Variants in PCDHGA11 observed in about 807,000 individuals in gnomAD.
The protein encoded by PCDHGA11 is protocadherin gamma subfamily A, 11, also known as protocadherin gamma-A11.
A neutral mutation model predicts 60.4 loss-of-function variants in PCDHGA11; 39 were observed. The ratio of observed to expected loss-of-function variants is 0.65; its 90% CI spans 0.50 to 0.84. The LOEUF (loss-of-function observed/expected upper bound fraction) is 0.84, where lower values mean the gene tolerates loss of function less well. PCDHGA11 is among the 40% of genes least tolerant of loss of function. PCDHGA11 has a pLI of 0.00. For synonymous variants in PCDHGA11, 533 were observed against 510.3 expected (o/e 1.04, Z -0.60); for missense variants, 1,165 against 1,197.7 (o/e 0.97, Z 0.40).
rs753473913 is a variant in PCDHGA11 at position 141,503,323 on chromosome 5, G to A, written c.2493-2070G>A. On this transcript the variant is annotated intron_variant, in intron 2 of 3. Transcript: ENST00000398587. The stretch of plus-strand genomic sequence containing the variant: ...CTCAAGAAAGAATTGTTGGAGGGGC[G>A]CGGTGGCTCACGCCTGTAATTCCAG... Among the ~76,000 whole-genome samples the A allele has an allele frequency of 2.0e-5, 3 of 152,214 alleles. No individual in the cohort carries two copies. In the Middle Eastern group the frequency reaches 0.01, roughly 518 times the overall value.
chr5:141,486,361 C>T lies in PCDHGA11; in HGVS notation c.2434-8446C>T. 1.2e-6 allele frequency: 2 copies of T among 1,614,086 alleles called. No individual in the cohort carries two copies. The highest frequency in any genetic ancestry group is 1.7e-6 in the Non-Finnish European group (2 of 1,179,994). On this transcript the variant is annotated intron_variant, in intron 1 of 3. Coordinates refer to ENST00000398587, the MANE Select transcript of PCDHGA11 (RefSeq NM_018914.3). This position sits in a 1 kb window ranked among gnomAD's most constrained non-coding sequence, Gnocchi z 5.0. ...GCATTCCTGACCACTTGCCATTTGCCCTCAAGTCTGCCTTCAGGAACCAGT... is the reference window on the plus strand; with the variant it reads ...GCATTCCTGACCACTTGCCATTTGCTCTCAAGTCTGCCTTCAGGAACCAGT...
chr5:141,433,361 A>ATCTATCTATCTC, intron 1 of PCDHGA11: 1 of 297,578 alleles, frequency 3.4e-6, no homozygotes, highest in Non-Finnish European at 6.3e-6. Context: ...CTGTCTGCCT[A>ATCTATCTATCTC]TCTATCTATC....
In PCDHGA11 at chr5:141,492,000, A is replaced by G; in HGVS notation, c.2434-2807A>G. On this transcript the variant is annotated intron_variant, in intron 1 of 3. Transcript: ENST00000398587. The surrounding 1 kb of genome is among the most constrained non-coding windows in gnomAD (Gnocchi z 6.9). Reference sequence around the variant, plus strand: ...TCGAGCTTCCGGTGAATTTCGGGCGATTTCCGCGGGTGTCGGGGGTCCCGG... The same window carrying G: ...TCGAGCTTCCGGTGAATTTCGGGCGGTTTCCGCGGGTGTCGGGGGTCCCGG... 1 of 659,856 alleles carries G rather than the reference A, an allele frequency of 1.5e-6. No homozygotes were observed. The highest frequency in any genetic ancestry group is 3.1e-5 in the South Asian group (1 of 32,438). 40.9% of individuals were successfully genotyped at this position (659,856 alleles called of 1,614,324 possible).
At position 141,431,569 on chromosome 5, in the gene PCDHGA11, CGAA is replaced by C. The variant is rs780392922; in HGVS notation, c.2433+7911_2433+7913del. The C allele has an allele frequency of 1.9e-6, 3 of 1,614,000 alleles. No homozygotes were observed. The highest frequency in any genetic ancestry group is 2.7e-5 in the African/African-American group (2 of 74,932). ...TTGTAGTCAACGCTACCGACCCTGA[CGAA>C]GGAGTCAATGCGGAAGTGAGGTATT... On this transcript the variant is annotated intron_variant, in intron 1 of 3. Transcript: ENST00000398587. This position sits in a 1 kb window ranked among gnomAD's most constrained non-coding sequence, Gnocchi z 4.8.
chr5:141,467,015 T>C (rs1423064392), intron 1 of PCDHGA11, among the ~76,000 whole-genome samples: 1 of 152,072 alleles, frequency 6.6e-6, no homozygotes. Flanking sequence ...GCAATTTTTT[T>C]CCCTTTGTTT....
chr5:141,466,014 C>T (rs962233749), intron 1 of PCDHGA11, among the ~76,000 whole-genome samples: 75 of 151,848 alleles, frequency 4.9e-4, no homozygotes, highest in African/African-American at 1.2e-3. Flanking sequence ...CCCAGCTACT[C>T]GGGAGGGTGA....
chr5:141,465,893 C>A (rs926928579), intron 1 of PCDHGA11, among the ~76,000 whole-genome samples: 1 of 151,962 alleles, frequency 6.6e-6, no homozygotes, highest in Non-Finnish European at 1.5e-5. Context: ...GAGGCCGAGG[C>A]GGGCAAATCA....
chr5:141,434,506 T>C (rs2154556236), intron 1 of PCDHGA11, among the ~76,000 whole-genome samples: 2 of 152,344 alleles, frequency 1.3e-5, no homozygotes, highest in East Asian at 3.9e-4. Context: ...GGCAGAAAAC[T>C]GCTTAAAGGT....
In PCDHGA11 at chr5:141,477,787, C is replaced by A; in HGVS notation, c.2434-17020C>A. The stretch of plus-strand genomic sequence containing the variant: ...CCAACATCAGCGTGAACATATTTGT[C>A]ACTGATCGCAATGACAATGCCCCCC... On this transcript the variant is annotated intron_variant, in intron 1 of 3. Transcript: ENST00000398587. The surrounding 1 kb of genome is among the most constrained non-coding windows in gnomAD (Gnocchi z 4.9). The A allele has an allele frequency of 6.2e-7, 1 of 1,614,092 alleles. No homozygotes were observed. The highest frequency in any genetic ancestry group is 8.5e-7 in the Non-Finnish European group (1 of 1,180,034).
At position 141,432,673 on chromosome 5, in the gene PCDHGA11, C is replaced by A. The variant is rs770930842; in HGVS notation, c.2433+9013C>A. 5 of 1,613,922 alleles carry A rather than the reference C, an allele frequency of 3.1e-6. No homozygotes were observed. Among genetic ancestry groups the A allele is most frequent in the Non-Finnish European group, 4.2e-6 (5 of 1,179,960 alleles). On this transcript the variant is annotated intron_variant, in intron 1 of 3. Coordinates refer to ENST00000398587, the MANE Select transcript of PCDHGA11 (RefSeq NM_018914.3). This position sits in a 1 kb window ranked among gnomAD's most constrained non-coding sequence, Gnocchi z 6.0. ...GAGCCCTGCTGGACAGAGACGCGCTCAAGCAGAGCCTCGTAGTGGCCGTCC... is the reference window on the plus strand; with the variant it reads ...GAGCCCTGCTGGACAGAGACGCGCTAAAGCAGAGCCTCGTAGTGGCCGTCC...
At position 141,487,137 on chromosome 5, in the gene PCDHGA11, T is replaced by A. The variant is rs2154580779; in HGVS notation, c.2434-7670T>A. ...GTAAAGGATAGTGGTAGTCCACCAC[T>A]CTCTACCTCTGTTACTCTCTTAGTG... On this transcript the variant is annotated intron_variant, in intron 1 of 3. Coordinates refer to ENST00000398587, the MANE Select transcript of PCDHGA11 (RefSeq NM_018914.3). The surrounding 1 kb of genome is among the most constrained non-coding windows in gnomAD (Gnocchi z 5.0). 1.9e-6 allele frequency: 3 copies of A among 1,614,092 alleles called. No individual in the cohort carries two copies. The East Asian group carries it at 6.7e-5, about 36-fold the overall frequency.
chr5:141,470,911 G>A (rs1208467445), intron 1 of PCDHGA11, among the ~76,000 whole-genome samples: 1 of 151,916 alleles, frequency 6.6e-6, no homozygotes, highest in Non-Finnish European at 1.5e-5. Context: ...AGATGGGACT[G>A]TCCCTATGTT....
intron 1 of PCDHGA11, among the ~76,000 whole-genome samples, chr5:141,479,962 A>G: frequency 6.6e-6 from 1 of 152,226 alleles, no homozygotes; most frequent in Non-Finnish European, 1.5e-5. Context: ...GCAGTTAGTC[A>G]AATGAGGTTC....
chr5:141,450,733 C>T (rs886761152), intron 1 of PCDHGA11, among the ~76,000 whole-genome samples: 24 of 152,198 alleles, frequency 1.6e-4, no homozygotes, highest in African/African-American at 5.3e-4. Context: ...GTGATCCGCC[C>T]GCCTTGGCCT....
chr5:141,428,267 T>C, intron 1 of PCDHGA11: 1 of 796,264 alleles, frequency 1.3e-6, no homozygotes, highest in Non-Finnish European at 2.1e-6. Context: ...GACAGTCCTG[T>C]GCCCTCTGAT....
Position 141,476,935 on chromosome 5 carries a change from A to G in PCDHGA11, c.2434-17872A>G. The G allele has an allele frequency of 6.2e-7, 1 of 1,614,166 alleles. No homozygotes were observed. Among genetic ancestry groups the G allele is most frequent in the Non-Finnish European group, 8.5e-7 (1 of 1,180,046 alleles). Reference sequence around the variant, plus strand: ...AAGTCCTTGCAACGGATCTGGATGAAGGCCCCAACGGTGAAATTATTTACT... The same window carrying G: ...AAGTCCTTGCAACGGATCTGGATGAGGGCCCCAACGGTGAAATTATTTACT... On this transcript the variant is annotated intron_variant, in intron 1 of 3. Transcript: ENST00000398587. This position sits in a 1 kb window ranked among gnomAD's most constrained non-coding sequence, Gnocchi z 7.6.
chr5:141,426,488 T>G, intron 1 of PCDHGA11: 1 of 328,024 alleles, frequency 3.0e-6, no homozygotes, highest in Non-Finnish European at 6.1e-6. Context: ...AACCTTAGAG[T>G]TAGTGCAGAG....
chr5:141,470,358 A>G (rs1263824284), intron 1 of PCDHGA11, among the ~76,000 whole-genome samples: 2 of 152,174 alleles, frequency 1.3e-5, no homozygotes, highest in African/African-American at 4.8e-5. Context: ...AAATAGACAC[A>G]TTAGGTTGAA....
rs775153988 is a variant in PCDHGA11 at position 141,485,268 on chromosome 5, G to A, written c.2434-9539G>A. On this transcript the variant is annotated intron_variant, in intron 1 of 3. Coordinates refer to ENST00000398587, the MANE Select transcript of PCDHGA11 (RefSeq NM_018914.3). This position sits in a 1 kb window ranked among gnomAD's most constrained non-coding sequence, Gnocchi z 5.7. ...CTGGGTTACGTTTGTGGGCAGATCC[G>A]CTACCCGGTCCCAGAGGAGTCACAG... 6.2e-7 allele frequency: 1 copy of A among 1,614,100 alleles called. No homozygotes were observed. Among genetic ancestry groups the A allele is most frequent in the Non-Finnish European group, 8.5e-7 (1 of 1,179,936 alleles).
Sources: allele counts gnomAD v4.1 joint callset (sites outside exome capture counted in the v4.1 genomes callset), GRCh38; gene constraint gnomAD v4.1.1; non-coding constraint Gnocchi (gnomAD v3.1); transcripts MANE v1.5; gene names NCBI Gene and HGNC (gene_info 2026-07-23, HGNC 2026-07-21).